The following UBE2E1 variants were observed in gnomAD, a reference collection of about 807,000 sequenced individuals.
UBE2E1 encodes the protein ubiquitin conjugating enzyme E2 E1.
UBE2E1 carries 6 observed loss-of-function variants against 21.4 expected under a neutral mutation model. That is an observed-to-expected ratio of 0.28 (90% CI 0.15 to 0.55). The LOEUF is 0.55. UBE2E1 is among the 20% of genes least tolerant of loss of function. The pLI is 0.93. For synonymous variants in UBE2E1, 87 were observed against 82.7 expected (o/e 1.05, Z -0.28); for missense variants, 142 against 236.5 (o/e 0.60, Z 2.62).
At position 23,863,159 on chromosome 3, in the gene UBE2E1, A is replaced by G. The variant is rs1289354243; in HGVS notation, c.204-24408A>G. On this transcript the variant is annotated intron_variant, in intron 3 of 5. Transcript: ENST00000306627. The surrounding 1 kb of genome is among the most constrained non-coding windows in gnomAD (Gnocchi z 4.3). ...TTGTTTATATCCTGTTTTTAGGTATATACTCATATTACTTTATATTTCAGT... is the reference window on the plus strand; with the variant it reads ...TTGTTTATATCCTGTTTTTAGGTATGTACTCATATTACTTTATATTTCAGT... 2.6e-5 allele frequency among the ~76,000 whole-genome samples: 4 copies of G among 151,682 alleles called. No individual in the cohort carries two copies. The highest frequency in any genetic ancestry group is 7.3e-5 in the African/African-American group (3 of 41,294).
chr3:23,885,535 A>G (rs9883834), intron 3 of UBE2E1, among the ~76,000 whole-genome samples: 20,439 of 152,180 alleles, frequency 0.13, 1,935 homozygotes, highest in African/African-American at 0.26. Flanking sequence ...TTTTTTAAAC[A>G]CAAAGTATGA....
intron 3 of UBE2E1, among the ~76,000 whole-genome samples, chr3:23,878,383 C>T (rs1005903643): frequency 6.6e-6 from 1 of 152,190 alleles, no homozygotes; most frequent in Admixed American, 6.5e-5. Context: ...GTTGCCACAA[C>T]GTTTTTCTTC....
chr3:23,880,987 A>C (rs990113072), intron 3 of UBE2E1, among the ~76,000 whole-genome samples: 2 of 152,234 alleles, frequency 1.3e-5, no homozygotes, highest in African/African-American at 4.8e-5. Context: ...TTATCAATAT[A>C]ATATTGAGGC....
At chr3:23,890,210 C>T (rs570858108) in intron 5 of UBE2E1, among the ~76,000 whole-genome samples, 44 of 152,198 alleles carry the variant, frequency 2.9e-4, no homozygotes, top group Non-Finnish European at 5.6e-4. Flanking sequence ...CTCTACTGAA[C>T]TCAGCCTAAC....
At chr3:23,832,794 G>A (rs979953716) in intron 3 of UBE2E1, among the ~76,000 whole-genome samples, 9 of 152,200 alleles carry the variant, frequency 5.9e-5, no homozygotes, top group African/African-American at 2.2e-4. Context: ...ACTTTGGTTA[G>A]CTAAGGCGGG....
intron 3 of UBE2E1, among the ~76,000 whole-genome samples, chr3:23,833,305 G>A (rs1401004759): frequency 1.3e-5 from 2 of 152,134 alleles, no homozygotes; most frequent in Admixed American, 1.3e-4. Flanking sequence ...TGCCTTTCTT[G>A]ACAGTGAACT....
At chr3:23,874,587 G>C (rs1441678224) in intron 3 of UBE2E1, among the ~76,000 whole-genome samples, 1 of 152,178 alleles carries the variant, frequency 6.6e-6, no homozygotes, top group Admixed American at 6.5e-5. Flanking sequence ...GGATTCTTTA[G>C]TGGGAATAGA....
Position 23,887,544 on chromosome 3 carries a change from ATTT to A in UBE2E1, c.204-22_204-20del. On this transcript the variant is annotated intron_variant, in intron 3 of 5. Transcript: ENST00000306627. The surrounding 1 kb of genome is among the most constrained non-coding windows in gnomAD (Gnocchi z 4.4). ...ATTGGGATAGTGCCACCATCTGCTT[ATTT>A]GTTGACGTATTATTCACAGTGCTGG... 1 of 1,593,784 alleles carries A rather than the reference ATTT, an allele frequency of 6.3e-7. No individual in the cohort carries two copies. The highest frequency in any genetic ancestry group is 8.5e-7 in the Non-Finnish European group (1 of 1,174,184).
chr3:23,810,515 C>T lies in UBE2E1; in HGVS notation c.153-945C>T. On this transcript the variant is annotated intron_variant, in intron 2 of 5. Transcript: ENST00000306627. The surrounding 1 kb of genome is among the most constrained non-coding windows in gnomAD (Gnocchi z 5.8). ...CAGACCCCGGGAAGTTAGAGGACGCCCGGGGAAAAGCAGGTCCGGGGAGGT... is the reference window on the plus strand; with the variant it reads ...CAGACCCCGGGAAGTTAGAGGACGCTCGGGGAAAAGCAGGTCCGGGGAGGT... The T allele has an allele frequency of 5.9e-6, 9 of 1,535,326 alleles. No homozygotes were observed. The highest frequency in any genetic ancestry group is 7.8e-6 in the Non-Finnish European group (9 of 1,146,506).
intron 3 of UBE2E1, among the ~76,000 whole-genome samples, chr3:23,869,082 G>A (rs939733159): frequency 5.9e-5 from 9 of 152,052 alleles, no homozygotes; most frequent in Non-Finnish European, 1.0e-4. Flanking sequence ...TTTCCTTAGG[G>A]TAAGTTCCAA....
chr3:23,845,589 C>CTCTGTG (rs1553637998), intron 3 of UBE2E1, among the ~76,000 whole-genome samples: 3 of 121,288 alleles, frequency 2.5e-5, no homozygotes, highest in African/African-American at 9.7e-5. Flanking sequence ...CTCTCTCTCT[C>CTCTGTG]TGTGTGTGTG....
chr3:23,889,102 T>G lies in UBE2E1; in HGVS notation c.337-10T>G. 1 of 1,577,184 alleles carries G rather than the reference T, an allele frequency of 6.3e-7. No individual in the cohort carries two copies. The highest frequency in any genetic ancestry group is 8.6e-7 in the Non-Finnish European group (1 of 1,164,552). ...CTGTTTAAATATTGTCTGTCACTTGTTTTTTTTAGGTTACATTTCGGACAA... is the reference window on the plus strand; with the variant it reads ...CTGTTTAAATATTGTCTGTCACTTGGTTTTTTTAGGTTACATTTCGGACAA... On this transcript the variant is annotated splice_polypyrimidine_tract_variant and intron_variant, in intron 4 of 5. Coordinates refer to ENST00000306627, the MANE Select transcript of UBE2E1 (RefSeq NM_003341.5).
intron 3 of UBE2E1, among the ~76,000 whole-genome samples, chr3:23,827,193 CA>C (rs553517552): frequency 4.3e-4 from 63 of 148,090 alleles, no homozygotes; most frequent in Admixed American, 7.4e-4. Context: ...AATCAAAATA[CA>C]AAAAAAAAAT....
chr3:23,873,546 G>A (rs1321480361), intron 3 of UBE2E1, among the ~76,000 whole-genome samples: 1 of 152,178 alleles, frequency 6.6e-6, no homozygotes, highest in African/African-American at 2.4e-5. Context: ...AGGAGTTCGA[G>A]ACCAGCCTGA....
At chr3:23,819,776 G>A in intron 3 of UBE2E1, among the ~76,000 whole-genome samples, 1 of 152,202 alleles carries the variant, frequency 6.6e-6, no homozygotes, top group East Asian at 1.9e-4. Context: ...CACCCAAGCA[G>A]TTTTGGCAAT....
intron 3 of UBE2E1, among the ~76,000 whole-genome samples, chr3:23,821,661 A>T (rs1323382131): frequency 1.3e-5 from 2 of 152,146 alleles, no homozygotes; most frequent in African/African-American, 4.8e-5. Flanking sequence ...GAGGGACAGG[A>T]ACAAAAATGA....
chr3:23,876,618 G>C lies in UBE2E1; in HGVS notation c.204-10949G>C, dbSNP rs527271959. ...ATAAGCATTTTGTAAATTCAGTTTT[G>C]GGTTTTTTGTTTTTTGTTTCTTGTT... On this transcript the variant is annotated intron_variant, in intron 3 of 5. Coordinates refer to ENST00000306627, the MANE Select transcript of UBE2E1 (RefSeq NM_003341.5). The surrounding 1 kb of genome is among the most constrained non-coding windows in gnomAD (Gnocchi z 4.3). Among the ~76,000 whole-genome samples, 1 of 151,898 alleles carries C rather than the reference G, an allele frequency of 6.6e-6. No homozygotes were observed. The highest frequency in any genetic ancestry group is 6.6e-5 in the Admixed American group (1 of 15,262).
At position 23,887,635 on chromosome 3, in the gene UBE2E1, A is replaced by ATGAG; in HGVS notation, c.273_276dup (p.Gly93Ter). On this transcript the variant is annotated frameshift_variant, in exon 4 of 6. Coordinates refer to ENST00000306627, the MANE Select transcript of UBE2E1 (RefSeq NM_003341.5). LOFTEE classifies it high-confidence loss of function. The surrounding 1 kb of genome is among the most constrained non-coding windows in gnomAD (Gnocchi z 4.4). ...ATTCTAGGGCCTCCAGGATCCGTGT[A>ATGAG]TGAGGGTGGTGTATTCTTTCTCGAT... 1 of 1,614,132 alleles carries ATGAG rather than the reference A, an allele frequency of 6.2e-7. No homozygotes were observed. The highest frequency in any genetic ancestry group is 8.5e-7 in the Non-Finnish European group (1 of 1,180,018).
intron 3 of UBE2E1, among the ~76,000 whole-genome samples, chr3:23,858,374 C>T (rs1057370824): frequency 2.0e-5 from 3 of 152,146 alleles, no homozygotes; most frequent in Non-Finnish European, 4.4e-5. Flanking sequence ...GGCTGGAGTG[C>T]AATGGCATGA....
Sources: gnomAD v4.1 joint callset for allele counts (sites outside exome capture counted in the v4.1 genomes callset) on GRCh38, gnomAD v4.1.1 for gene constraint, Gnocchi (gnomAD v3.1) non-coding constraint, MANE v1.5 for transcripts, NCBI Gene and HGNC (gene_info 2026-07-23, HGNC 2026-07-21) for gene names.